PMPCB: variants seen among roughly 807,000 people sequenced by gnomAD.
PMPCB encodes peptidase, mitochondrial processing subunit beta.
A neutral mutation model predicts 61.5 loss-of-function variants in PMPCB; 46 were observed. The ratio of observed to expected loss-of-function variants is 0.75; its 90% confidence interval spans 0.59 to 0.96. The LOEUF (loss-of-function observed/expected upper bound fraction) is 0.96. Ranked by LOEUF, PMPCB falls within the 40% of genes least tolerant of loss-of-function variation. PMPCB has a pLI of 0.00. For missense variants in PMPCB, 590 were observed against 602.4 expected (o/e 0.98, Z 0.22); for synonymous variants, 191 against 201.6 (o/e 0.95, Z 0.44).
chr7:103,344,986 T>C, the PMPCB span: 1 of 417,920 alleles, frequency 2.4e-6, no homozygotes, highest in Non-Finnish European at 4.2e-6. Flanking sequence ...AAAGCAGTTC[T>C]TTTTATATTA....
the PMPCB span, chr7:103,337,411 C>G: frequency 1.0e-5 from 2 of 195,394 alleles, no homozygotes; most frequent in Non-Finnish European, 1.0e-5. Flanking sequence ...AAGGCAGTAT[C>G]CACTAAGTGC....
At chr7:103,322,870 T>C (rs1430607111) in intron 12 of PMPCB, 4 of 1,084,724 alleles carry the variant, frequency 3.7e-6, no homozygotes, top group East Asian at 5.2e-5. Flanking sequence ...TTTTATAAAA[T>C]ATTTATATGT....
chr7:103,298,687 C>T lies in PMPCB; in HGVS notation c.219C>T (p.Asp73=), dbSNP rs1352932117. Residue 73 remains aspartate (D), a synonymous_variant, in exon 2 of 13, where the codon GAC becomes GAT. Coordinates refer to ENST00000249269, the MANE Select transcript of PMPCB (RefSeq NM_004279.3). ...LESGLRVASE[D]SGLSTCTVGL... ...GTGGACTCAGAGTAGCTTCGGAAGA[C>T]TCTGGGCTCTCAACATGCACAGTAA... is the stretch of plus-strand genomic sequence containing the variant. 6.2e-7 allele frequency: 1 copy of T among 1,614,070 alleles called. No individual in the cohort carries two copies. The highest frequency in any genetic ancestry group is 1.7e-5 in the Admixed American group (1 of 60,018).
Position 103,313,742 on chromosome 7 carries a change from G to A in PMPCB, c.*1471G>A. ...TATTGTGGTTCTTCAACTAAACCTT[G>A]TATATTTCAGAAAACATCTAAGATG... On this transcript the variant is annotated 3_prime_UTR_variant, in exon 13 of 13. Transcript: ENST00000249269. The A allele has an allele frequency of 2.0e-6, 2 of 985,130 alleles. No homozygotes were observed. The highest frequency in any genetic ancestry group is 9.4e-5 in the South Asian group (2 of 21,282). The allele number at this position is 985,130 out of a possible 1,614,324, so 61.0% of individuals were successfully genotyped here.
intron 12 of PMPCB, among the ~76,000 whole-genome samples, chr7:103,325,172 G>C (rs1316739702): frequency 6.6e-6 from 1 of 152,146 alleles, no homozygotes; most frequent in African/African-American, 2.4e-5. Flanking sequence ...GGCCAGGCGC[G>C]GTGGCTCATG....
downstream of PMPCB, chr7:103,317,058 T>C (rs774429487): frequency 2.6e-6 from 4 of 1,526,876 alleles, no homozygotes; most frequent in Non-Finnish European, 3.6e-6. Flanking sequence ...TATACTGTAT[T>C]GCTATTCTAC....
intron 12 of PMPCB, chr7:103,324,487 A>G: frequency 1.3e-6 from 2 of 1,493,726 alleles, no homozygotes; most frequent in Non-Finnish European, 1.8e-6. Context: ...CTTACCAGAA[A>G]GAATAAAATA....
chr7:103,305,265 A>G (rs964909694), intron 6 of PMPCB, among the ~76,000 whole-genome samples: 2 of 152,208 alleles, frequency 1.3e-5, no homozygotes, highest in African/African-American at 4.8e-5. Context: ...TGGGAATCCA[A>G]ACATGCAGGT....
At chr7:103,302,563 A>G (rs1201539119) in intron 4 of PMPCB, among the ~76,000 whole-genome samples, 1 of 152,146 alleles carries the variant, frequency 6.6e-6, no homozygotes, top group Admixed American at 6.5e-5. Context: ...TCTTATCTGG[A>G]CAGATGGGTT....
In PMPCB at chr7:103,311,764, T is replaced by C. The variant is rs536908082; in HGVS notation, c.1240+36T>C. 5 of 1,600,006 alleles carry C rather than the reference T, an allele frequency of 3.1e-6. No homozygotes were observed. In the East Asian group the frequency reaches 1.1e-4, roughly 36 times the overall value. The stretch of plus-strand genomic sequence containing the variant: ...AGATATAGGTTCTGTTTTCATATGG[T>C]TGATCTGTATTCCAATAGTTAATTT... On this transcript the variant is annotated intron_variant, in intron 10 of 12. Transcript: ENST00000249269.
chr7:103,298,762 T>A (rs531087412), intron 2 of PMPCB, 54 bp downstream of exon 2: 1 of 1,548,626 alleles, frequency 6.5e-7, no homozygotes, highest in South Asian at 1.2e-5. Context: ...CGTAGCAAAT[T>A]GTTGATTTTA....
intron 4 of PMPCB, among the ~76,000 whole-genome samples, 190 bp from the exon 5 acceptor site, chr7:103,303,652 T>C (rs1291216272): frequency 2.0e-5 from 3 of 152,222 alleles, no homozygotes; most frequent in Non-Finnish European, 4.4e-5. Flanking sequence ...AAAAAATCTT[T>C]TGTACTATAG....
intron 12 of PMPCB, chr7:103,324,380 T>C: frequency 1.9e-6 from 2 of 1,062,048 alleles, no homozygotes; most frequent in Non-Finnish European, 2.6e-6. Flanking sequence ...GTGAAGGTTC[T>C]GCAATTTGTC....
At position 103,307,593 on chromosome 7, in the gene PMPCB, T is replaced by C. The variant is rs11489600; in HGVS notation, c.737-3T>C. 0.6 allele frequency: 936,978 copies of C among 1,558,194 alleles called. 294,399 individuals are homozygous for C. Among genetic ancestry groups the C allele is most frequent in the Middle Eastern group, 0.71 (4,228 of 5,962 alleles). On this transcript the variant is annotated splice_polypyrimidine_tract_variant and splice_region_variant and intron_variant, in intron 6 of 12. Transcript: ENST00000249269. The stretch of plus-strand genomic sequence containing the variant: ...CATGTGAAAATATTTTCTTTCAATT[T>C]AGGTGTTTCCCATGATGAATTGCTT...
chr7:103,297,814 A>C, intron 1 of PMPCB: 2 of 1,522,444 alleles, frequency 1.3e-6, no homozygotes, highest in South Asian at 1.2e-5. Flanking sequence ...TGAGGAGTGC[A>C]TGTTTGACCA....
intron 12 of PMPCB, chr7:103,324,495 ATATATC>A (rs1158732446): frequency 6.7e-7 from 1 of 1,497,648 alleles, no homozygotes; most frequent in Non-Finnish European, 9.0e-7. Context: ...AAAGAATAAA[ATATATC>A]TACATCTTCA....
In PMPCB at chr7:103,312,780, A is replaced by G. The variant is rs2115733537; in HGVS notation, c.*509A>G. On this transcript the variant is annotated 3_prime_UTR_variant, in exon 13 of 13. Coordinates refer to ENST00000249269, the MANE Select transcript of PMPCB (RefSeq NM_004279.3). ...CTGATTTCATTATCTGCCAGGGCCT[A>G]GAAAGTTTCTAAGGTTGCTCATTTC... is the stretch of plus-strand genomic sequence containing the variant. 13 of 1,511,648 alleles carry G rather than the reference A, an allele frequency of 8.6e-6. No homozygotes were observed. The East Asian group carries it at 3.0e-4, about 35-fold the overall frequency. The allele number at this position is 1,511,648 out of a possible 1,614,324, so 93.6% of individuals were successfully genotyped here. A position where few individuals can be genotyped will look rare whatever the true frequency, so the allele number is the denominator to read the frequency against.
chr7:103,316,900 T>G, downstream of PMPCB: 1 of 1,614,052 alleles, frequency 6.2e-7, no homozygotes, highest in Non-Finnish European at 8.5e-7. Context: ...TCTGACCAAT[T>G]TTTACTTCCA....
intron 6 of PMPCB, 143 bp downstream of exon 6, chr7:103,304,633 A>G: frequency 1.5e-6 from 1 of 652,942 alleles, no homozygotes; most frequent in South Asian, 1.8e-5. Flanking sequence ...AATGTGGAGC[A>G]CTGGAATCAG....
Sources: allele counts gnomAD v4.1 joint callset (sites outside exome capture counted in the v4.1 genomes callset), GRCh38; gene constraint gnomAD v4.1.1; transcripts MANE v1.5; gene names NCBI Gene and HGNC (gene_info 2026-07-23, HGNC 2026-07-21).